PARD3B: variants seen among roughly 807,000 people sequenced by gnomAD.
The protein encoded by PARD3B is partitioning defective 3 homolog B.
In PARD3B, 103 loss-of-function variants were observed where a neutral mutation model predicts 130.2. The ratio of observed to expected loss-of-function variants is 0.79; its 90% CI spans 0.67 to 0.93. PARD3B has a LOEUF of 0.93. Among genes scored for constraint, PARD3B ranks in the 40% least tolerant of loss-of-function variants. The probability of loss-of-function intolerance (pLI) is 0.00; values close to 1 mark genes in which losing one functional copy is unlikely to be tolerated. For missense variants in PARD3B, 1,609 were observed against 1,499.2 expected (o/e 1.07, Z -1.21); for synonymous variants, 583 against 553.2 (o/e 1.05, Z -0.76).
Position 205,615,681 on chromosome 2 carries a change from C to A in PARD3B, c.3486C>A (p.Ser1162=). ...KGPFRQDVPP[S]PPQHQRMPAY... Reference sequence around the variant, plus strand: ...CCTTTCGACAAGACGTTCCGCCTTCCCCTCCCCAGCACCAAAGAATGCCAG... The same window carrying A: ...CCTTTCGACAAGACGTTCCGCCTTCACCTCCCCAGCACCAAAGAATGCCAG... Residue 1162 remains serine (S), a synonymous_variant, in exon 23 of 23, where the codon TCC becomes TCA. Transcript: ENST00000406610. 6.2e-7 allele frequency: 1 copy of A among 1,614,080 alleles called. No homozygotes were observed. The highest frequency in any genetic ancestry group is 8.5e-7 in the Non-Finnish European group (1 of 1,180,022).
intron 2 of PARD3B, among the ~76,000 whole-genome samples, chr2:204,746,510 C>T (rs1309498524): frequency 1.3e-5 from 2 of 152,036 alleles, no homozygotes; most frequent in African/African-American, 2.4e-5. Flanking sequence ...AATGGGATGG[C>T]TGGGTCAAAT....
intron 1 of PARD3B, among the ~76,000 whole-genome samples, chr2:204,668,005 A>G (rs1290646094): frequency 2.0e-5 from 3 of 152,248 alleles, no homozygotes; most frequent in Non-Finnish European, 2.9e-5. Flanking sequence ...GCAGGGGATC[A>G]TTTGATAATA....
In PARD3B at chr2:205,320,703, T is replaced by G. The variant is rs189384628; in HGVS notation, c.2630+19002T>G. On this transcript the variant is annotated intron_variant, in intron 18 of 22. Coordinates refer to ENST00000406610, the MANE Select transcript of PARD3B (RefSeq NM_001302769.2). ...TTACAATATAGAGACATTGATTAAA[T>G]GCACATGGCATCTCAAATCCAGTTG... 1.4e-3 allele frequency among the ~76,000 whole-genome samples: 217 copies of G among 152,354 alleles called. 2 individuals are homozygous for G. Among genetic ancestry groups the G allele is most frequent in the Non-Finnish European group, 3.8e-4 (26 of 68,028 alleles).
intron 3 of PARD3B, among the ~76,000 whole-genome samples, chr2:205,000,305 T>G (rs2125277704): frequency 6.6e-6 from 1 of 152,304 alleles, no homozygotes; most frequent in South Asian, 2.1e-4. Context: ...CCTTGTGTTT[T>G]CTACTGAGTG....
intron 2 of PARD3B, among the ~76,000 whole-genome samples, chr2:204,758,105 C>G (rs577984116): frequency 6.6e-6 from 1 of 152,262 alleles, no homozygotes; most frequent in East Asian, 1.9e-4. Context: ...TAGCAGAGGC[C>G]TCTTGGTTTT....
At chr2:205,186,703 A>C (rs963008946) in intron 14 of PARD3B, among the ~76,000 whole-genome samples, 21 of 152,162 alleles carry the variant, frequency 1.4e-4, no homozygotes, top group African/African-American at 4.6e-4. Context: ...ATATTTAGCT[A>C]TCTCTGATTC....
At chr2:205,393,324 TATC>T in intron 18 of PARD3B, among the ~76,000 whole-genome samples, 1 of 152,344 alleles carries the variant, frequency 6.6e-6, no homozygotes, top group Middle Eastern at 3.4e-3. Context: ...TGTAAGGAGC[TATC>T]ATGCCTAGTT....
chr2:205,114,130 C>T (rs1187285953), intron 6 of PARD3B, among the ~76,000 whole-genome samples: 1 of 152,046 alleles, frequency 6.6e-6, no homozygotes, highest in Non-Finnish European at 1.5e-5. Flanking sequence ...TTACCACATC[C>T]TTTTGGAATT....
intron 10 of PARD3B, among the ~76,000 whole-genome samples, chr2:205,138,014 A>G (rs1471973122): frequency 5.3e-5 from 8 of 152,250 alleles, no homozygotes; most frequent in Non-Finnish European, 8.8e-5. Flanking sequence ...TCAAGGAGAT[A>G]TAATTCATGG....
In PARD3B at chr2:205,009,559, T is replaced by A. The variant is rs373805555; in HGVS notation, c.395-38022T>A. ...GGTGGCGGGCGCCTGTAGTCCCAGC[T>A]TCTCGGGAGGCTGAGGCAGGAGAAT... On this transcript the variant is annotated intron_variant, in intron 3 of 22. Transcript: ENST00000406610. 1.8e-4 allele frequency among the ~76,000 whole-genome samples: 28 copies of A among 151,970 alleles called. 1 individual carries two copies. In the East Asian group the frequency reaches 3.5e-3, roughly 19 times the overall value.
intron 10 of PARD3B, among the ~76,000 whole-genome samples, chr2:205,144,108 C>T (rs913870073): frequency 3.9e-5 from 6 of 152,228 alleles, no homozygotes; most frequent in South Asian, 2.1e-4. Context: ...CTTGGCCATG[C>T]GAATTCATTT....
intron 1 of PARD3B, among the ~76,000 whole-genome samples, chr2:204,567,665 T>G (rs2031754317): frequency 6.6e-6 from 1 of 152,250 alleles, no homozygotes; most frequent in Non-Finnish European, 1.5e-5. Flanking sequence ...ATAGTGCCAC[T>G]GTGAACATGA....
At chr2:205,464,128 G>A (rs2048542944) in intron 20 of PARD3B, among the ~76,000 whole-genome samples, 1 of 152,046 alleles carries the variant, frequency 6.6e-6, no homozygotes, top group Admixed American at 6.6e-5. Context: ...CCCTCTTGGT[G>A]GTGGAAACAT....
At chr2:205,224,133 G>T (rs2038392910) in intron 15 of PARD3B, among the ~76,000 whole-genome samples, 1 of 150,780 alleles carries the variant, frequency 6.6e-6, no homozygotes. Flanking sequence ...ACTTTGGGAG[G>T]CTGAGGCAGG....
At chr2:204,762,116 A>ATTTTTTTTTTTTTTT (rs968166780) in intron 2 of PARD3B, among the ~76,000 whole-genome samples, 1 of 95,378 alleles carries the variant, frequency 1.0e-5, no homozygotes, top group Non-Finnish European at 2.1e-5. Context: ...TTCTTTTTCT[A>ATTTTTTTTTTTTTTT]TTTTTTTTTT....
chr2:204,562,625 G>T (rs1444693717), intron 1 of PARD3B, among the ~76,000 whole-genome samples: 1 of 152,012 alleles, frequency 6.6e-6, no homozygotes, highest in East Asian at 1.9e-4. Context: ...GATAGTATTG[G>T]TAACTTTAAA....
rs555106144 is a variant in PARD3B, at chr2:204,585,675, A to G, written c.120+39556A>G. 9.3e-4 allele frequency among the ~76,000 whole-genome samples: 141 copies of G among 152,054 alleles called. 1 individual carries two copies. Among genetic ancestry groups the G allele is most frequent in the African/African-American group, 3.2e-3 (133 of 41,496 alleles). ...CAGATAATTTCTTATATTCCTTTTC[A>G]TAAGTGGTGTGATTGATAGGCTTCT... is the stretch of plus-strand genomic sequence containing the variant. On this transcript the variant is annotated intron_variant, in intron 1 of 22. Coordinates refer to ENST00000406610, the MANE Select transcript of PARD3B (RefSeq NM_001302769.2).
At chr2:204,803,623 C>T (rs768927801) in intron 2 of PARD3B, among the ~76,000 whole-genome samples, 2 of 152,048 alleles carry the variant, frequency 1.3e-5, no homozygotes, top group African/African-American at 2.4e-5. Context: ...GTTTATGCAA[C>T]CAGTGTTGTC....
intron 4 of PARD3B, among the ~76,000 whole-genome samples, chr2:205,083,141 G>C (rs576617344): frequency 6.6e-6 from 1 of 151,802 alleles, no homozygotes; most frequent in Non-Finnish European, 1.5e-5. Context: ...GGTTGGTCTC[G>C]AACTCCTGAC....
Sources: allele counts gnomAD v4.1 joint callset (sites outside exome capture counted in the v4.1 genomes callset), GRCh38; gene constraint gnomAD v4.1.1; transcripts MANE v1.5; gene names NCBI Gene and HGNC (gene_info 2026-07-23, HGNC 2026-07-21).